ELN: variants seen among roughly 807,000 people sequenced by gnomAD.
The protein encoded by ELN is elastin.
A neutral mutation model predicts 105.8 loss-of-function variants in ELN; 65 were observed. The observed-to-expected ratio is 0.61, with a 90% CI of 0.50 to 0.75. The LOEUF (loss-of-function observed/expected upper bound fraction) is 0.75, where lower values mean the gene tolerates loss of function less well. Among genes scored for constraint, ELN ranks in the 30% least tolerant of loss-of-function variants. The probability of loss-of-function intolerance (pLI) is 0.00; values close to 1 mark genes in which losing one functional copy is unlikely to be tolerated. For missense variants in ELN, 882 were observed against 969.4 expected (o/e 0.91, Z 1.20); for synonymous variants, 368 against 389.2 (o/e 0.95, Z 0.64).
intron 22 of ELN, among the ~76,000 whole-genome samples, chr7:74,059,285 G>A (rs1796061250): frequency 1.3e-5 from 2 of 152,178 alleles, no homozygotes; most frequent in Non-Finnish European, 2.9e-5. Flanking sequence ...TGGCTGAGCT[G>A]AGATTTGAAC....
chr7:74,031,218 G>A (rs537610781), intron 1 of ELN, among the ~76,000 whole-genome samples: 51 of 152,262 alleles, frequency 3.3e-4, no homozygotes, highest in African/African-American at 1.2e-3. Flanking sequence ...AGGCTCTTCA[G>A]CTCACTGGTT....
At chr7:74,053,090 T>C (rs1554677254) in intron 17 of ELN, 73 bp from the exon 18 acceptor site, 27 of 1,610,390 alleles carry the variant, frequency 1.7e-5, no homozygotes, top group Non-Finnish European at 2.3e-5. Flanking sequence ...GTCACTTCCA[T>C]ACTCTACTAA....
rs374131928 is a variant in ELN, at chr7:74,056,628, A to G, written c.1316-44A>G. 1,961 of 1,613,588 alleles carry G rather than the reference A, an allele frequency of 1.2e-3. 2 individuals carry two copies. Among genetic ancestry groups the G allele is most frequent in the Middle Eastern group, 1.8e-3 (11 of 6,062 alleles). On this transcript the variant is annotated intron_variant, in intron 20 of 32. Coordinates refer to ENST00000252034, the MANE Select transcript of ELN (RefSeq NM_000501.4). ...TTTAAACACGGCTCGGAGGAGACCC[A>G]GGCACGGCTTCTGAGGGTCTCTTTC...
chr7:74,030,126 G>A (rs1209148336), intron 1 of ELN, among the ~76,000 whole-genome samples: 2 of 152,256 alleles, frequency 1.3e-5, no homozygotes, highest in African/African-American at 4.8e-5. Context: ...GGACTTGCTA[G>A]GTCCAAATAA....
At chr7:74,059,662 C>A in intron 22 of ELN, 1 of 618,998 alleles carries the variant, frequency 1.6e-6, no homozygotes, top group Non-Finnish European at 2.9e-6. Flanking sequence ...CCAGCCTGGG[C>A]GATAGAGTGA....
At chr7:74,067,960 A>AT (rs1798334106) in intron 32 of ELN, among the ~76,000 whole-genome samples, 1 of 148,780 alleles carries the variant, frequency 6.7e-6, no homozygotes, top group Non-Finnish European at 1.5e-5. Flanking sequence ...AAAAAAAAAA[A>AT]CCTTCAGAGG....
intron 26 of ELN, among the ~76,000 whole-genome samples, chr7:74,061,897 T>C (rs1252767020): frequency 6.6e-6 from 1 of 151,826 alleles, no homozygotes; most frequent in Admixed American, 6.6e-5. Context: ...GTATGAGGAG[T>C]CTGGGCAGTC....
intron 26 of ELN, among the ~76,000 whole-genome samples, chr7:74,062,723 G>T (rs1796967722): frequency 6.6e-6 from 1 of 152,052 alleles, no homozygotes; most frequent in Non-Finnish European, 1.5e-5. Context: ...GCTAATTTTT[G>T]TATTTTTCGT....
Position 74,069,314 on chromosome 7 carries a change from C to G in ELN, c.*614C>G, listed in dbSNP as rs1021771167. ...ACCACCCCACACTGGGAATAGCCAC[C>G]TTGCCCTTGTAGAATCCATCCGCCC... is the stretch of plus-strand genomic sequence containing the variant. On this transcript the variant is annotated 3_prime_UTR_variant, in exon 33 of 33. Coordinates refer to ENST00000252034, the MANE Select transcript of ELN (RefSeq NM_000501.4). 6 of 237,320 alleles carry G rather than the reference C, an allele frequency of 2.5e-5. No individual in the cohort carries two copies. Among genetic ancestry groups the G allele is most frequent in the African/African-American group, 1.1e-4 (5 of 45,368 alleles). 14.7% of individuals were successfully genotyped at this position (237,320 alleles called of 1,614,324 possible).
intron 15 of ELN, among the ~76,000 whole-genome samples, chr7:74,050,094 C>G (rs574749317): frequency 1.3e-5 from 2 of 149,746 alleles, no homozygotes; most frequent in African/African-American, 4.9e-5. Context: ...TCCATCTATT[C>G]CTCCATGCAT....
At chr7:74,031,983 G>A (rs1788815245) in intron 1 of ELN, among the ~76,000 whole-genome samples, 1 of 152,022 alleles carries the variant, frequency 6.6e-6, no homozygotes, top group African/African-American at 2.4e-5. Flanking sequence ...AGGCAGAACT[G>A]AAGAGACAGA....
chr7:74,068,544 TG>T, intron 32 of ELN, 112 bp from the exon 33 acceptor site: 1 of 1,329,614 alleles, frequency 7.5e-7, no homozygotes, highest in Non-Finnish European at 1.1e-6. Context: ...GGCCATGACT[TG>T]GCTTCTCTTG....
Position 74,057,405 on chromosome 7 carries a change from G to A in ELN, c.1358-235G>A, listed in dbSNP as rs1293346828. ...AGGTGCTGCAGGAGCAGGAGTGCTG[G>A]GTGGGCTAGTGCCAGGTGCCCCAGG... is the stretch of plus-strand genomic sequence containing the variant. On this transcript the variant is annotated intron_variant, in intron 21 of 32. Coordinates refer to ENST00000252034, the MANE Select transcript of ELN (RefSeq NM_000501.4). The A allele has an allele frequency of 6.6e-7, 1 of 1,511,580 alleles. No homozygotes were observed. Among genetic ancestry groups the A allele is most frequent in the African/African-American group, 1.4e-5 (1 of 72,016 alleles). The allele number at this position is 1,511,580 out of a possible 1,614,324, so 93.6% of individuals were successfully genotyped here. A position where few individuals can be genotyped will look rare whatever the true frequency, so the allele number is the denominator to read the frequency against.
At chr7:74,061,216 A>T in intron 26 of ELN, 77 bp downstream of exon 26, 1 of 1,600,246 alleles carries the variant, frequency 6.2e-7, no homozygotes, top group Non-Finnish European at 8.6e-7. Flanking sequence ...GGGTGGTCAC[A>T]ATAGAAAAAG....
rs550705228 is a variant in ELN, at chr7:74,046,021, G to A, written c.542-167G>A. The A allele has an allele frequency of 7.8e-4, 707 of 905,136 alleles. 3 individuals carry two copies. The highest frequency in any genetic ancestry group is 1.6e-3 in the Middle Eastern group (7 of 4,276). The allele number at this position is 905,136 out of a possible 1,614,324, so 56.1% of individuals were successfully genotyped here. ...TTCCACCCCAGCCTGGGCGACAAGA[G>A]CGAAACTCCATCTCCGAAAAAAGAA... On this transcript the variant is annotated intron_variant, in intron 10 of 32. Coordinates refer to ENST00000252034, the MANE Select transcript of ELN (RefSeq NM_000501.4).
rs903398764 is a variant in ELN at position 74,069,537 on chromosome 7, G to A, written c.*837G>A. 2.1e-5 allele frequency: 5 copies of A among 233,986 alleles called. No individual in the cohort carries two copies. The highest frequency in any genetic ancestry group is 6.0e-5 in the East Asian group (1 of 16,586). 14.5% of individuals were successfully genotyped at this position (233,986 alleles called of 1,614,324 possible). A position where few individuals can be genotyped will look rare whatever the true frequency, so the allele number is the denominator to read the frequency against. ...GGTGCCAGGCATCTCCTCCCCACCC[G>A]GGGTGTCCCCACATGCAGTACTGTA... is the stretch of plus-strand genomic sequence containing the variant. On this transcript the variant is annotated 3_prime_UTR_variant, in exon 33 of 33. Coordinates refer to ENST00000252034, the MANE Select transcript of ELN (RefSeq NM_000501.4).
At chr7:74,047,262 C>A (rs1792794397) in intron 12 of ELN, among the ~76,000 whole-genome samples, 1 of 152,150 alleles carries the variant, frequency 6.6e-6, no homozygotes, top group African/African-American at 2.4e-5. Context: ...CACACACGCT[C>A]ATGCACAGAG....
intron 20 of ELN, 93 bp downstream of exon 20, chr7:74,056,528 G>C: frequency 1.2e-6 from 2 of 1,603,266 alleles, no homozygotes; most frequent in Non-Finnish European, 8.5e-7. Context: ...ACTGTAGATC[G>C]GGCTTGAATG....
chr7:74,041,172 C>T, intron 4 of ELN, 44 bp from the exon 5 acceptor site: 1 of 1,613,610 alleles, frequency 6.2e-7, no homozygotes, highest in Non-Finnish European at 8.5e-7. Flanking sequence ...CACTCTGGGC[C>T]TAGGAACACT....
Sources: allele counts gnomAD v4.1 joint callset (sites outside exome capture counted in the v4.1 genomes callset), GRCh38; gene constraint gnomAD v4.1.1; transcripts MANE v1.5; gene names NCBI Gene and HGNC (gene_info 2026-07-23, HGNC 2026-07-21).